The following OSBPL8 variants were observed in gnomAD, a reference collection of about 807,000 sequenced individuals.
The protein encoded by OSBPL8 is oxysterol binding protein like 8.
Under a neutral mutation model 125.5 loss-of-function variants are expected in OSBPL8, and 59 were observed. That is an observed-to-expected ratio of 0.47 (90% confidence interval 0.38 to 0.58). The LOEUF is 0.58. Ranked by LOEUF, OSBPL8 falls within the 20% of genes least tolerant of loss-of-function variation. The pLI, the probability that OSBPL8 is intolerant of heterozygous loss-of-function variation, is 0.00. For synonymous variants in OSBPL8, 330 were observed against 338.9 expected, an observed-to-expected ratio of 0.97 and a Z score of 0.29; for missense variants, 758 against 1,047.8, an observed-to-expected ratio of 0.72 and a Z score of 3.82.
rs757712259 is a variant in OSBPL8, at chr12:76,390,432, T to C, written c.1155A>G (p.Glu385=). ...KETTYTEQSH[E]ELGEAGEASQ... The stretch of plus-strand genomic sequence containing the variant: ...AGCAGACTTTTACCTCTCCAAGTTC[T>C]TCATGGCTCTGTTCAGTGTAGGTAG... The change falls in exon 11 of 24, where the codon GAA becomes GAG. Residue 385 remains glutamate, a synonymous_variant. Transcript: ENST00000261183. The C allele has an allele frequency of 6.2e-7, 1 of 1,609,062 alleles. No homozygotes were observed. Among genetic ancestry groups the C allele is most frequent in the South Asian group, 1.1e-5 (1 of 89,890 alleles).
At chr12:76,402,445 C>T (rs1246476081) in intron 6 of OSBPL8, among the ~76,000 whole-genome samples, 1 of 152,194 alleles carries the variant, frequency 6.6e-6, no homozygotes, top group Non-Finnish European at 1.5e-5. Context: ...ACATCCTCAG[C>T]CTCTGCAGTT....
chr12:76,398,651 T>C (rs1337538840), intron 7 of OSBPL8, among the ~76,000 whole-genome samples: 2 of 152,126 alleles, frequency 1.3e-5, no homozygotes, highest in African/African-American at 4.8e-5. Context: ...AGATCAAAAA[T>C]AAGAATTATA....
At chr12:76,488,604 C>T (rs1317995650) in intron 1 of OSBPL8, among the ~76,000 whole-genome samples, 1 of 152,146 alleles carries the variant, frequency 6.6e-6, no homozygotes. Context: ...GATCAATAAT[C>T]CTTGATATTA....
At chr12:76,555,791 G>A (rs1279974633) in intron 1 of OSBPL8, among the ~76,000 whole-genome samples, 1 of 152,198 alleles carries the variant, frequency 6.6e-6, no homozygotes, top group African/African-American at 2.4e-5. Flanking sequence ...CTCAAGTACT[G>A]TCAATCTCTG....
At position 76,375,277 on chromosome 12, in the gene OSBPL8, A is replaced by G. The variant is rs1451905068; in HGVS notation, c.1823T>C (p.Leu608Pro). Residue 608 changes from leucine to proline, a missense_variant, in exon 17 of 24, where the codon CTA (leucine) becomes CCA (proline). This residue lies in a region of OSBPL8 where 572 missense variants were observed against 762.0 expected (regional missense o/e 0.75). Coordinates refer to ENST00000261183, the MANE Select transcript of OSBPL8 (RefSeq NM_020841.5). Reference protein sequence around the residue: ...TGYSAILEFKLKPFLGSSDCV... With the variant: ...TGYSAILEFKPKPFLGSSDCV... Reference sequence around the variant, plus strand: ...CCTACTGTATTGTCTACTAACCTTTAGTTTAAATTCAAGTATTGCACTGTA... The same window carrying G: ...CCTACTGTATTGTCTACTAACCTTTGGTTTAAATTCAAGTATTGCACTGTA... The G allele has an allele frequency of 1.9e-6, 3 of 1,597,250 alleles. No homozygotes were observed. The highest frequency in any genetic ancestry group is 1.7e-6 in the Non-Finnish European group (2 of 1,165,996).
At chr12:76,435,469 G>A (rs577363081) in intron 4 of OSBPL8, among the ~76,000 whole-genome samples, 2 of 152,132 alleles carry the variant, frequency 1.3e-5, no homozygotes, top group East Asian at 3.9e-4. Context: ...AAGTTCTGGG[G>A]ATCTAATATA....
At chr12:76,535,410 T>C (rs908570743) in intron 1 of OSBPL8, among the ~76,000 whole-genome samples, 2 of 152,140 alleles carry the variant, frequency 1.3e-5, no homozygotes, top group Non-Finnish European at 2.9e-5. Context: ...AATGAGATAC[T>C]ATTACACAAC....
At chr12:76,446,971 A>G (rs2136698808) in intron 4 of OSBPL8, among the ~76,000 whole-genome samples, 1 of 152,326 alleles carries the variant, frequency 6.6e-6, no homozygotes, top group South Asian at 2.1e-4. Context: ...AAATACCCAC[A>G]CAGCCTACCT....
intron 2 of OSBPL8, among the ~76,000 whole-genome samples, chr12:76,461,680 G>A (rs113765052): frequency 0.04 from 6,001 of 151,922 alleles, 355 homozygotes; most frequent in African/African-American, 0.13. Flanking sequence ...CTTCTGATCC[G>A]TCCACCTCAG....
At chr12:76,534,706 A>C (rs917393497) in intron 1 of OSBPL8, among the ~76,000 whole-genome samples, 1 of 152,154 alleles carries the variant, frequency 6.6e-6, no homozygotes, top group African/African-American at 2.4e-5. Context: ...AACTATGCAA[A>C]GTTTTTTTAC....
In OSBPL8 at chr12:76,454,998, G is replaced by T. The variant is rs181064907; in HGVS notation, c.80-4010C>A. Among the ~76,000 whole-genome samples the T allele has an allele frequency of 2.1e-3, 327 of 152,132 alleles. 2 individuals are homozygous for T. Among genetic ancestry groups the T allele is most frequent in the African/African-American group, 7.3e-3 (302 of 41,514 alleles). On this transcript the variant is annotated intron_variant, in intron 3 of 23. Coordinates refer to ENST00000261183, the MANE Select transcript of OSBPL8 (RefSeq NM_020841.5). ...GCCTGTAATCCCAGCACTCTGGGAG[G>T]CCGAGGCTGGTGGATCACGAGGTCA...
At chr12:76,448,155 TTACTC>T (rs1297725469) in intron 4 of OSBPL8, among the ~76,000 whole-genome samples, 2 of 152,286 alleles carry the variant, frequency 1.3e-5, no homozygotes, top group Middle Eastern at 3.4e-3. Flanking sequence ...AGTCTGTAAT[TTACTC>T]TAAATATTCA....
At chr12:76,449,948 T>C (rs1009001609) in intron 4 of OSBPL8, among the ~76,000 whole-genome samples, 3 of 152,214 alleles carry the variant, frequency 2.0e-5, no homozygotes, top group African/African-American at 7.2e-5. Flanking sequence ...AGAATATCTA[T>C]AATTATGTAT....
At chr12:76,504,860 T>C (rs908855018) in intron 1 of OSBPL8, among the ~76,000 whole-genome samples, 4 of 152,206 alleles carry the variant, frequency 2.6e-5, no homozygotes, top group South Asian at 2.1e-4. Context: ...GAACCTAAGA[T>C]TGGCTTTTTG....
At chr12:76,547,670 T>C (rs1950818549) in intron 1 of OSBPL8, among the ~76,000 whole-genome samples, 1 of 152,154 alleles carries the variant, frequency 6.6e-6, no homozygotes, top group Admixed American at 6.5e-5. Context: ...CTCACCCATC[T>C]AGATACACTT....
chr12:76,452,764 C>A (rs114851112), intron 3 of OSBPL8, among the ~76,000 whole-genome samples: 1 of 152,160 alleles, frequency 6.6e-6, no homozygotes, highest in Non-Finnish European at 1.5e-5. Flanking sequence ...CTGTCACTCA[C>A]TTGGCTCCTG....
At chr12:76,448,753 GC>G (rs1280131662) in intron 4 of OSBPL8, among the ~76,000 whole-genome samples, 4 of 152,116 alleles carry the variant, frequency 2.6e-5, no homozygotes, top group Non-Finnish European at 5.9e-5. Context: ...GGTGGCTCAC[GC>G]CTGTAATCCC....
chr12:76,390,666 A>G lies in OSBPL8; in HGVS notation c.930-9T>C. 6.4e-7 allele frequency: 1 copy of G among 1,550,910 alleles called. No individual in the cohort carries two copies. Among genetic ancestry groups the G allele is most frequent in the East Asian group, 2.2e-5 (1 of 44,500 alleles). ...TTTCACTATCATTTAACCTTAAGGG[A>G]AAGAATTTTTAGGAGGAAGAATCAA... On this transcript the variant is annotated splice_polypyrimidine_tract_variant and intron_variant, in intron 10 of 23. Coordinates refer to ENST00000261183, the MANE Select transcript of OSBPL8 (RefSeq NM_020841.5).
chr12:76,365,657 A>T (rs1158751913), intron 21 of OSBPL8, among the ~76,000 whole-genome samples: 1 of 151,882 alleles, frequency 6.6e-6, no homozygotes. Context: ...TGAAAGTGGG[A>T]ATGTTTGTCT....
Sources: gnomAD v4.1 joint callset for allele counts (sites outside exome capture counted in the v4.1 genomes callset) on GRCh38, gnomAD v4.1.1 for gene constraint, gnomAD v4.1.1 regional missense constraint, MANE v1.5 for transcripts, NCBI Gene and HGNC (gene_info 2026-07-23, HGNC 2026-07-21) for gene names.